The following TENM2 variants were observed in gnomAD, a reference collection of about 807,000 sequenced individuals.
TENM2 encodes teneurin-2.
In TENM2, 52 loss-of-function variants were observed where a neutral mutation model predicts 245.2. The observed-to-expected ratio is 0.21, with a 90% CI of 0.17 to 0.27. The LOEUF (loss-of-function observed/expected upper bound fraction) is 0.27, where lower values mean the gene tolerates loss of function less well. Among genes scored for constraint, TENM2 ranks in the 10% least tolerant of loss-of-function variants. The probability of loss-of-function intolerance (pLI) is 1.00; values close to 1 mark genes in which losing one functional copy is unlikely to be tolerated. For missense variants in TENM2, 3,046 were observed against 3,666.8 expected, an observed-to-expected ratio of 0.83 and a Z score of 4.37; for synonymous variants, 1,363 against 1,438.9, an observed-to-expected ratio of 0.95 and a Z score of 1.19.
At chr5:167,802,272 G>A (rs771089571) in intron 2 of TENM2, among the ~76,000 whole-genome samples, 4 of 152,102 alleles carry the variant, frequency 2.6e-5, no homozygotes, top group African/African-American at 4.8e-5. Flanking sequence ...AGTGAGGGAC[G>A]CTTCATTGTT....
At chr5:167,736,270 G>T (rs1760789866) in intron 2 of TENM2, among the ~76,000 whole-genome samples, 1 of 152,100 alleles carries the variant, frequency 6.6e-6, no homozygotes, top group South Asian at 2.1e-4. Flanking sequence ...CTGCCCCTGT[G>T]ATTCAATTAT....
chr5:167,571,789 C>T (rs1375797645), intron 2 of TENM2, among the ~76,000 whole-genome samples: 1 of 152,120 alleles, frequency 6.6e-6, no homozygotes, highest in Non-Finnish European at 1.5e-5. Flanking sequence ...ATCCTTGTAA[C>T]TGGGTCTTTA....
chr5:167,068,602 A>G, the TENM2 span, among the ~76,000 whole-genome samples: 2 of 152,202 alleles, frequency 1.3e-5, no homozygotes, highest in Non-Finnish European at 2.9e-5. Flanking sequence ...AGTGCATGTC[A>G]TTGCAGAATA....
chr5:167,401,020 G>C (rs992647931), intron 2 of TENM2, among the ~76,000 whole-genome samples: 1 of 152,028 alleles, frequency 6.6e-6, no homozygotes, highest in Non-Finnish European at 1.5e-5. Flanking sequence ...GAGCCCAGGA[G>C]GTTGAGGCTG....
the TENM2 span, among the ~76,000 whole-genome samples, chr5:167,144,236 C>T: frequency 5.3e-5 from 8 of 152,096 alleles, no homozygotes; most frequent in Non-Finnish European, 1.0e-4. Flanking sequence ...TTATAGGAGG[C>T]TGTCTTTACA....
intron 2 of TENM2, among the ~76,000 whole-genome samples, chr5:167,823,544 G>C (rs1056108346): frequency 6.6e-6 from 1 of 152,148 alleles, no homozygotes; most frequent in Non-Finnish European, 1.5e-5. Flanking sequence ...TGCAAGGGCA[G>C]TATTTTCTTT....
chr5:167,038,656 A>G, the TENM2 span, among the ~76,000 whole-genome samples: 2 of 152,196 alleles, frequency 1.3e-5, no homozygotes, highest in African/African-American at 4.8e-5. Context: ...CCATCCCCAC[A>G]AGAACGGTCT....
chr5:168,152,758 A>G (rs1341055458), intron 12 of TENM2, among the ~76,000 whole-genome samples: 2 of 152,180 alleles, frequency 1.3e-5, no homozygotes, highest in African/African-American at 4.8e-5. Context: ...AGCTACCAAC[A>G]TGCCTTCTCT....
chr5:168,201,330 A>G (rs887353391), intron 17 of TENM2, among the ~76,000 whole-genome samples: 1 of 151,980 alleles, frequency 6.6e-6, no homozygotes, highest in African/African-American at 2.4e-5. Flanking sequence ...AGATATATAT[A>G]TGTATATATG....
At chr5:168,139,443 TGG>T in intron 12 of TENM2, 1 of 456,378 alleles carries the variant, frequency 2.2e-6, no homozygotes, top group Non-Finnish European at 4.4e-6. Context: ...GATTACTGCT[TGG>T]ACATCTCTAA....
chr5:167,120,672 A>T, the TENM2 span, among the ~76,000 whole-genome samples: 2 of 152,324 alleles, frequency 1.3e-5, no homozygotes, highest in East Asian at 1.9e-4. Context: ...TAACTTGAGG[A>T]ACTTTCAATG....
chr5:167,811,377 TC>T (rs1766624257), intron 2 of TENM2, among the ~76,000 whole-genome samples: 2 of 151,952 alleles, frequency 1.3e-5, no homozygotes, highest in Admixed American at 1.3e-4. Context: ...GCATGCACAC[TC>T]CCTCCACTCT....
chr5:167,225,728 G>A, the TENM2 span, among the ~76,000 whole-genome samples: 1 of 151,882 alleles, frequency 6.6e-6, no homozygotes, highest in Non-Finnish European at 1.5e-5. Context: ...TGAATAGTTT[G>A]AGAAGGATTG....
At chr5:168,246,879 C>T (rs771284024) in exon 27 of TENM2, 26 of 1,613,906 alleles carry the variant, frequency 1.6e-5, no homozygotes, top group African/African-American at 1.3e-4. Context: ...ACACCTCCAT[C>T]GGCTACATCC....
chr5:167,765,387 G>A (rs759402480), intron 2 of TENM2, among the ~76,000 whole-genome samples: 5 of 151,934 alleles, frequency 3.3e-5, no homozygotes, highest in African/African-American at 9.7e-5. Flanking sequence ...TATCCATAAC[G>A]AGGAACATGC....
At chr5:168,199,153 C>T (rs575239938) in intron 16 of TENM2, 39 bp downstream of exon 18, 3 of 1,585,560 alleles carry the variant, frequency 1.9e-6, no homozygotes, top group Admixed American at 1.7e-5. Context: ...CTCAGGACTT[C>T]CCTAACGAAA....
chr5:167,299,059 G>T (rs1755147429), intron 1 of TENM2, among the ~76,000 whole-genome samples: 1 of 152,186 alleles, frequency 6.6e-6, no homozygotes, highest in African/African-American at 2.4e-5. Flanking sequence ...TGACTTCTGA[G>T]AAGGGAAAGT....
At chr5:167,234,295 T>C in the TENM2 span, among the ~76,000 whole-genome samples, 1 of 152,314 alleles carries the variant, frequency 6.6e-6, no homozygotes, top group East Asian at 1.9e-4. Flanking sequence ...AGCTTTTGGC[T>C]CATCCTTCAT....
chr5:167,984,031 C>T (rs768395685), intron 4 of TENM2, among the ~76,000 whole-genome samples: 5 of 152,130 alleles, frequency 3.3e-5, no homozygotes, highest in East Asian at 3.9e-4. Context: ...AAGCATTTCA[C>T]GAATAAACTC....
Sources: gnomAD v4.1 joint callset for allele counts (sites outside exome capture counted in the v4.1 genomes callset) on GRCh38, gnomAD v4.1.1 for gene constraint, MANE v1.5 for transcripts, NCBI Gene and HGNC (gene_info 2026-07-23, HGNC 2026-07-21) for gene names.